The following KALRN variants were observed in gnomAD, a reference collection of about 807,000 sequenced individuals.
KALRN encodes the protein kalirin.
KALRN carries 70 observed loss-of-function variants against 353.7 expected under a neutral mutation model. The ratio of observed to expected loss-of-function variants is 0.20; its 90% confidence interval spans 0.16 to 0.24. The LOEUF (loss-of-function observed/expected upper bound fraction) is 0.24, where lower values mean the gene tolerates loss of function less well. KALRN is among the 10% of genes least tolerant of loss of function. The pLI, the probability that KALRN is intolerant of heterozygous loss-of-function variation, is 1.00. For missense variants in KALRN, 2,791 were observed against 3,756.7 expected (o/e 0.74, Z 6.72); for synonymous variants, 1,391 against 1,434.8 (o/e 0.97, Z 0.69).
rs1251483120 is a variant in KALRN at position 124,326,028 on chromosome 3, T to C, written c.1141T>C (p.Ser381Pro). The C allele has an allele frequency of 6.2e-7, 1 of 1,613,744 alleles. No individual in the cohort carries two copies. Reference sequence around the variant, plus strand: ...CATCATGTCCGTGGCTTCCCGCCTCTCTGAGGCCGGTCATTATGCCTCACA... The same window carrying C: ...CATCATGTCCGTGGCTTCCCGCCTCCCTGAGGCCGGTCATTATGCCTCACA... ...NRIMSVASRL[S>P]EAGHYASQQI... Residue 381 changes from serine (S) to proline (P), a missense_variant, in exon 7 of 60, where the codon TCT becomes CCT. Ser to Pro is a moderately conservative substitution (Grantham distance 74, BLOSUM62 -1). Transcript: ENST00000682506.
At chr3:124,188,539 C>G (rs1413840177) in intron 1 of KALRN, among the ~76,000 whole-genome samples, 1 of 152,198 alleles carries the variant, frequency 6.6e-6, no homozygotes, top group Non-Finnish European at 1.5e-5. Context: ...TCTTCAGCGT[C>G]TCTTGTAATG....
At chr3:124,133,674 G>A (rs1001205595) in intron 1 of KALRN, among the ~76,000 whole-genome samples, 1 of 152,194 alleles carries the variant, frequency 6.6e-6, no homozygotes, top group African/African-American at 2.4e-5. Context: ...TCCTGGAGAA[G>A]GAGTTTGGAT....
chr3:124,231,164 A>G (rs1285312697), intron 2 of KALRN, among the ~76,000 whole-genome samples: 2 of 152,158 alleles, frequency 1.3e-5, no homozygotes, highest in East Asian at 1.9e-4. Flanking sequence ...AAGCTTCTGC[A>G]TGTGGGCGTG....
intron 29 of KALRN, among the ~76,000 whole-genome samples, chr3:124,489,659 C>G (rs1249012136): frequency 6.6e-6 from 1 of 152,178 alleles, no homozygotes; most frequent in Non-Finnish European, 1.5e-5. Context: ...TGCAAGTACC[C>G]AGCTCCTCCA....
Position 124,667,065 on chromosome 3 carries a change from A to T in KALRN, c.6585A>T (p.Ala2195=), listed in dbSNP as rs564265266. ...TGGACAATGATCCCTGCAAGTTTGC[A>T]CTCATGAACAGAGAGACTTCTGAGA... ...ENVDNDPCKF[A]LMNRETSERV... The change falls in exon 47 of 60, where the codon GCA becomes GCT. Residue 2195 remains alanine, a synonymous_variant. Coordinates refer to ENST00000682506, the MANE Select transcript of KALRN (RefSeq NM_001388419.1). 13 of 1,614,166 alleles carry T rather than the reference A, an allele frequency of 8.1e-6. No individual in the cohort carries two copies. The East Asian group carries it at 2.9e-4, about 36-fold the overall frequency.
In KALRN at chr3:124,410,558, T is replaced by C. The variant is rs1370320780; in HGVS notation, c.2347-2912T>C. On this transcript the variant is annotated intron_variant, in intron 13 of 59. Coordinates refer to ENST00000682506, the MANE Select transcript of KALRN (RefSeq NM_001388419.1). ...GACTTGAAAAGACATCTTACAAAAG[T>C]AGATATACAAATGGTCAATAAGCAT... Among the ~76,000 whole-genome samples, 6 of 152,294 alleles carry C rather than the reference T, an allele frequency of 3.9e-5. No homozygotes were observed. In the East Asian group the frequency reaches 1.2e-3, roughly 29 times the overall value.
chr3:124,629,351 C>T (rs1278574763), intron 34 of KALRN, among the ~76,000 whole-genome samples: 2 of 152,004 alleles, frequency 1.3e-5, no homozygotes, highest in African/African-American at 4.8e-5. Flanking sequence ...ATATAGTTGC[C>T]AAGATTCGTT....
In KALRN at chr3:124,471,444, C is replaced by T. The variant is rs574550928; in HGVS notation, c.4032-3219C>T. ...GGGCTTACAGGCGCCCACCACCACG[C>T]CTGGCTAATTTTTTGTATTTTTAAT... On this transcript the variant is annotated intron_variant, in intron 25 of 59. Coordinates refer to ENST00000682506, the MANE Select transcript of KALRN (RefSeq NM_001388419.1). Among the ~76,000 whole-genome samples, 432 of 151,964 alleles carry T rather than the reference C, an allele frequency of 2.8e-3. 4 individuals carry two copies. The highest frequency in any genetic ancestry group is 6.8e-3 in the Middle Eastern group (2 of 294).
At chr3:124,466,785 T>C (rs939258541) in intron 25 of KALRN, among the ~76,000 whole-genome samples, 1 of 152,002 alleles carries the variant, frequency 6.6e-6, no homozygotes, top group Non-Finnish European at 1.5e-5. Flanking sequence ...CAGGGCTTGG[T>C]CTCCCACTTC....
intron 3 of KALRN, among the ~76,000 whole-genome samples, chr3:124,237,345 G>A (rs964588657): frequency 6.6e-6 from 1 of 150,536 alleles, no homozygotes; most frequent in Admixed American, 6.7e-5. Context: ...AAGCCTGTAG[G>A]TGACATTTGA....
chr3:124,110,646 A>G (rs537260988), intron 1 of KALRN, among the ~76,000 whole-genome samples: 18 of 152,256 alleles, frequency 1.2e-4, no homozygotes, highest in African/African-American at 3.9e-4. Flanking sequence ...TTCTTCTGCA[A>G]TGATTTTTAT....
chr3:124,606,614 A>G (rs1420856053), intron 34 of KALRN, among the ~76,000 whole-genome samples: 1 of 152,214 alleles, frequency 6.6e-6, no homozygotes, highest in African/African-American at 2.4e-5. Context: ...AATTATATCC[A>G]CAGATCTCAT....
At chr3:124,038,167 C>T (rs1029739535) in intron 1 of KALRN, among the ~76,000 whole-genome samples, 1 of 152,090 alleles carries the variant, frequency 6.6e-6, no homozygotes, top group African/African-American at 2.4e-5. Flanking sequence ...GAGACTTGAT[C>T]CTAGAGACCC....
intron 21 of KALRN, among the ~76,000 whole-genome samples, chr3:124,447,949 A>T (rs1409300816): frequency 6.6e-6 from 1 of 152,250 alleles, no homozygotes; most frequent in African/African-American, 2.4e-5. Context: ...AAGGTGGCAG[A>T]TGCACAGAAC....
intron 34 of KALRN, chr3:124,584,742 G>GC: frequency 6.6e-7 from 1 of 1,523,936 alleles, no homozygotes; most frequent in Non-Finnish European, 8.8e-7. Flanking sequence ...GGGCGGCGGC[G>GC]CTGAAGTTTC....
chr3:124,124,225 T>C (rs1043391518), intron 1 of KALRN, among the ~76,000 whole-genome samples: 1 of 152,182 alleles, frequency 6.6e-6, no homozygotes, highest in Non-Finnish European at 1.5e-5. Context: ...TTGGAAGAAG[T>C]TGATTCCAGC....
At chr3:124,511,194 A>G (rs924310448) in intron 33 of KALRN, among the ~76,000 whole-genome samples, 2 of 151,900 alleles carry the variant, frequency 1.3e-5, no homozygotes, top group African/African-American at 2.4e-5. Context: ...TTTACTTTGT[A>G]TTTGCCATGT....
chr3:124,377,385 T>C (rs1269580827), intron 10 of KALRN, among the ~76,000 whole-genome samples: 1 of 152,222 alleles, frequency 6.6e-6, no homozygotes. Flanking sequence ...TGATTTCTAA[T>C]TTAATTACAT....
intron 1 of KALRN, among the ~76,000 whole-genome samples, chr3:124,167,925 G>A (rs1320369631): frequency 6.6e-6 from 1 of 152,208 alleles, no homozygotes; most frequent in African/African-American, 2.4e-5. Context: ...ATCACAGGAA[G>A]TTCTACTGCA....
Sources: gnomAD v4.1 joint callset for allele counts (sites outside exome capture counted in the v4.1 genomes callset) on GRCh38, gnomAD v4.1.1 for gene constraint, MANE v1.5 for transcripts, NCBI Gene and HGNC (gene_info 2026-07-23, HGNC 2026-07-21) for gene names.